Variants in CA6 observed in about 807,000 individuals in gnomAD.
The protein encoded by CA6 is carbonic anhydrase 6, also known as carbonate dehydratase VI.
CA6 carries 28 observed loss-of-function variants against 35.9 expected under a neutral mutation model. The observed-to-expected ratio is 0.78, with a 90% confidence interval of 0.58 to 1.07. The LOEUF is 1.07. CA6 is among the 50% of genes least tolerant of loss of function. CA6 has a pLI of 0.00. For synonymous variants in CA6, 148 were observed against 152.6 expected, an observed-to-expected ratio of 0.97 and a Z score of 0.22; for missense variants, 377 against 382.0, an observed-to-expected ratio of 0.99 and a Z score of 0.11.
At chr1:8,960,743 A>AACACACACACACAC (rs113532929) in intron 4 of CA6, among the ~76,000 whole-genome samples, 46 of 109,042 alleles carry the variant, frequency 4.2e-4, no homozygotes, top group African/African-American at 6.9e-4. Flanking sequence ...CAAGTATAGC[A>AACACACACACACAC]ACACACACAC....
intron 5 of CA6, among the ~76,000 whole-genome samples, chr1:8,965,230 C>A (rs1028879955): frequency 6.6e-6 from 1 of 151,894 alleles, no homozygotes; most frequent in Non-Finnish European, 1.5e-5. Flanking sequence ...GACGACAGAG[C>A]GCAACAACAT....
At chr1:8,974,526 A>G in intron 7 of CA6, 96 bp from the exon 8 acceptor site, 1 of 1,427,550 alleles carries the variant, frequency 7.0e-7, no homozygotes, top group South Asian at 1.3e-5. Context: ...CTTCCCAAAA[A>G]TACGATGCGG....
rs551134670 is a variant in CA6 at position 8,962,531 on chromosome 1, C to T, written c.502-56C>T. 467 of 1,391,104 alleles carry T rather than the reference C, an allele frequency of 3.4e-4. 3 individuals carry two copies. The South Asian group carries it at 4.7e-3, about 14-fold the overall frequency. 86.2% of individuals were successfully genotyped at this position (1,391,104 alleles called of 1,614,324 possible). On this transcript the variant is annotated intron_variant, in intron 4 of 7. Coordinates refer to ENST00000377443, the MANE Select transcript of CA6 (RefSeq NM_001215.4). The stretch of plus-strand genomic sequence containing the variant: ...GAAAGCTGAGTGGCTGGATTAGTAG[C>T]GATGGTGCTGGGGCCTCTTCTTCAC...
intron 2 of CA6, chr1:8,951,384 C>A: frequency 1.3e-6 from 1 of 740,852 alleles, no homozygotes; most frequent in South Asian, 1.4e-5. Flanking sequence ...ATCATAATGT[C>A]GAGCTCTTGT....
chr1:8,958,356 CG>C, intron 3 of CA6, among the ~76,000 whole-genome samples: 1 of 151,874 alleles, frequency 6.6e-6, no homozygotes, highest in Admixed American at 6.6e-5. Context: ...TTAGTAGAGA[CG>C]GGGTTTCGCC....
chr1:8,955,244 TG>T (rs1224759859), intron 2 of CA6, among the ~76,000 whole-genome samples: 1 of 152,048 alleles, frequency 6.6e-6, no homozygotes. Context: ...GACATGGTGG[TG>T]TGTGCCTGTA....
At chr1:8,974,510 A>G in intron 7 of CA6, 112 bp from the exon 8 acceptor site, 1 of 1,452,568 alleles carries the variant, frequency 6.9e-7, no homozygotes, top group Non-Finnish European at 9.3e-7. Context: ...CTAAGGAATC[A>G]AAAGACTTCC....
chr1:8,959,081 C>T, intron 4 of CA6, 79 bp downstream of exon 4: 1 of 824,804 alleles, frequency 1.2e-6, no homozygotes, highest in South Asian at 1.5e-5. Flanking sequence ...TCTAGTTGAA[C>T]AGTCTTCTTT....
At position 8,970,967 on chromosome 1, in the gene CA6, A is replaced by G; in HGVS notation, c.830A>G (p.Asn277Ser). The G allele has an allele frequency of 6.2e-7, 1 of 1,611,570 alleles. No individual in the cohort carries two copies. The highest frequency in any genetic ancestry group is 8.5e-7 in the Non-Finnish European group (1 of 1,177,802). ...CTGAACCACAGAGTGGTGGAATCCA[A>G]CTTCCCGAATCAGGGTGAGTGAGAC... Reference protein sequence around the residue: ...QPLNHRVVESNFPNQEYTLGS... With the variant: ...QPLNHRVVESSFPNQEYTLGS... Residue 277 changes from asparagine (N) to serine (S), a missense_variant, in exon 7 of 8, where the codon AAC becomes AGC. Transcript: ENST00000377443.
At chr1:8,966,995 C>A (rs202021891) in intron 5 of CA6, among the ~76,000 whole-genome samples, 75 of 134,998 alleles carry the variant, frequency 5.6e-4, no homozygotes, top group African/African-American at 2.0e-3. Flanking sequence ...ATAAAAAAAA[C>A]AACTTATTGT....
At position 8,958,998 on chromosome 1, in the gene CA6, T is replaced by C. The variant is rs1158160492; in HGVS notation, c.497T>C (p.Val166Ala). 1 of 1,600,808 alleles carries C rather than the reference T, an allele frequency of 6.2e-7. No homozygotes were observed. The highest frequency in any genetic ancestry group is 8.6e-7 in the Non-Finnish European group (1 of 1,168,032). The stretch of plus-strand genomic sequence containing the variant: ...GGTTTGGCTGTACTGGCAGCCTTCG[T>C]TGAGGTAAGCAGAAACTACCCATGT... ...PDGLAVLAAF[V>A]EVKNYPENTY... The change falls in exon 4 of 8, where the codon GTT becomes GCT. Residue 166 changes from valine to alanine, a missense_variant. Coordinates refer to ENST00000377443, the MANE Select transcript of CA6 (RefSeq NM_001215.4).
At chr1:8,956,334 G>GT (rs1374998836) in intron 2 of CA6, among the ~76,000 whole-genome samples, 2 of 151,940 alleles carry the variant, frequency 1.3e-5, no homozygotes, top group African/African-American at 2.4e-5. Context: ...AACTGAGCCC[G>GT]TTTTTTTCTT....
chr1:8,965,939 T>C lies in CA6; in HGVS notation c.572-1720T>C, dbSNP rs141515844. On this transcript the variant is annotated intron_variant, in intron 5 of 7. Transcript: ENST00000377443. The stretch of plus-strand genomic sequence containing the variant: ...TCCATTGTGTGGATATATGATATTT[T>C]GTGTATCCATTTATCTACTGGTGAA... Among the ~76,000 whole-genome samples, 1,447 of 152,130 alleles carry C rather than the reference T, an allele frequency of 9.5e-3. 15 individuals carry two copies. Among genetic ancestry groups the C allele is most frequent in the Middle Eastern group, 0.048 (14 of 294 alleles).
intron 1 of CA6, among the ~76,000 whole-genome samples, chr1:8,948,461 A>T (rs1055963651): frequency 6.6e-6 from 1 of 151,764 alleles, no homozygotes; most frequent in African/African-American, 2.4e-5. Context: ...ACGGGAATCC[A>T]TAAAAGGGGC....
intron 6 of CA6, among the ~76,000 whole-genome samples, chr1:8,968,931 T>A: frequency 6.6e-6 from 1 of 151,406 alleles, no homozygotes; most frequent in East Asian, 1.9e-4. Context: ...GGTGGAAGAA[T>A]CACTTGAACC....
intron 6 of CA6, among the ~76,000 whole-genome samples, chr1:8,970,145 G>GCA: frequency 6.8e-6 from 1 of 146,734 alleles, no homozygotes; most frequent in East Asian, 2.0e-4. Context: ...GGTGGAGGTT[G>GCA]CAGTGAGCCG....
chr1:8,952,232 G>C (rs1467212444), intron 2 of CA6: 1 of 151,206 alleles, frequency 6.6e-6, no homozygotes, highest in East Asian at 1.9e-4. Context: ...TGCCTCCTAG[G>C]GTCAAGCAAT....
chr1:8,948,770 G>T (rs1639437319), intron 1 of CA6, among the ~76,000 whole-genome samples: 1 of 152,092 alleles, frequency 6.6e-6, no homozygotes, highest in Admixed American at 6.5e-5. Flanking sequence ...AGGAGTTAGA[G>T]ATCAGCCTGG....
intron 2 of CA6, chr1:8,951,558 T>C: frequency 1.3e-6 from 1 of 765,098 alleles, no homozygotes; most frequent in Admixed American, 1.7e-5. Context: ...GGAGGATCTC[T>C]ATGGGCAACG....
Sources: allele counts gnomAD v4.1 joint callset (sites outside exome capture counted in the v4.1 genomes callset), GRCh38; gene constraint gnomAD v4.1.1; transcripts MANE v1.5; gene names NCBI Gene and HGNC (gene_info 2026-07-23, HGNC 2026-07-21).